AREL1: variants seen among roughly 807,000 people sequenced by gnomAD.
The protein encoded by AREL1 is apoptosis resistant E3 ubiquitin protein ligase 1, also known as apoptosis-resistant E3 ubiquitin protein ligase 1.
AREL1 carries 62 observed loss-of-function variants against 99.0 expected under a neutral mutation model. The observed-to-expected ratio is 0.63, with a 90% CI of 0.51 to 0.77. The LOEUF (loss-of-function observed/expected upper bound fraction) is 0.77. Among genes scored for constraint, AREL1 ranks in the 30% least tolerant of loss-of-function variants. The pLI, the probability that AREL1 is intolerant of heterozygous loss-of-function variation, is 0.00. For missense variants in AREL1, 879 were observed against 1,027.6 expected (o/e 0.86, Z 1.98); for synonymous variants, 380 against 376.5 (o/e 1.01, Z -0.11).
In AREL1 at chr14:74,669,590, G is replaced by C. The variant is rs554123901; in HGVS notation, c.1914+59C>G. On this transcript the variant is annotated intron_variant, in intron 15 of 19. Coordinates refer to ENST00000356357, the MANE Select transcript of AREL1 (RefSeq NM_001039479.2). The stretch of plus-strand genomic sequence containing the variant: ...CCACTGCAGAAAGTTCTCTTAGACA[G>C]TCCTGCTCTACAGGAAACTGGAGAA... 4.2e-4 allele frequency: 665 copies of C among 1,583,220 alleles called. 1 individual carries two copies. Among genetic ancestry groups the C allele is most frequent in the Non-Finnish European group, 5.3e-4 (613 of 1,164,014 alleles).
At chr14:74,680,010 T>C (rs1283570304) in intron 5 of AREL1, among the ~76,000 whole-genome samples, 3 of 151,056 alleles carry the variant, frequency 2.0e-5, no homozygotes, top group Non-Finnish European at 4.4e-5. Context: ...ACTCTGTCTC[T>C]ACAAAATATA....
chr14:74,674,684 T>C (rs1566683866), intron 8 of AREL1, among the ~76,000 whole-genome samples: 1 of 152,242 alleles, frequency 6.6e-6, no homozygotes, highest in Non-Finnish European at 1.5e-5. Flanking sequence ...CTCAAGTCTT[T>C]CTAAATATCT....
intron 2 of AREL1, among the ~76,000 whole-genome samples, chr14:74,691,622 C>T (rs941310464): frequency 1.3e-5 from 2 of 152,106 alleles, no homozygotes; most frequent in African/African-American, 2.4e-5. Flanking sequence ...TTCTCTAGTG[C>T]AGAAATATCA....
chr14:74,689,750 C>A (rs2089833814), intron 2 of AREL1, among the ~76,000 whole-genome samples: 1 of 151,560 alleles, frequency 6.6e-6, no homozygotes, highest in African/African-American at 2.4e-5. Context: ...GCATGCACCA[C>A]CACGCCTGGC....
chr14:74,702,441 GCTC>G (rs1244337670), intron 1 of AREL1, among the ~76,000 whole-genome samples: 1 of 152,144 alleles, frequency 6.6e-6, no homozygotes, highest in African/African-American at 2.4e-5. Flanking sequence ...CTGTACCTTG[GCTC>G]CTTTCAGCCA....
chr14:74,670,993 G>T, intron 12 of AREL1, 122 bp from the exon 13 acceptor site: 1 of 720,126 alleles, frequency 1.4e-6, no homozygotes, highest in Non-Finnish European at 2.3e-6. Context: ...GTGTTTCTCC[G>T]TTGCGACTCA....
chr14:74,690,264 C>CAAA (rs5809676), intron 2 of AREL1, among the ~76,000 whole-genome samples: 17 of 73,084 alleles, frequency 2.3e-4, no homozygotes, highest in African/African-American at 4.2e-4. Context: ...ACCCTGTCTC[C>CAAA]AAAAAAAAAA....
intron 1 of AREL1, among the ~76,000 whole-genome samples, chr14:74,699,169 G>A (rs901624505): frequency 5.9e-5 from 9 of 152,130 alleles, no homozygotes; most frequent in African/African-American, 2.2e-4. Context: ...ATTCAACACT[G>A]TTTTCTTATG....
chr14:74,683,706 T>A (rs999037678), intron 4 of AREL1, among the ~76,000 whole-genome samples, 173 bp from the exon 5 acceptor site: 2 of 152,092 alleles, frequency 1.3e-5, no homozygotes, highest in African/African-American at 2.4e-5. Flanking sequence ...ACAAATCCCC[T>A]CAATACTCTA....
In AREL1 at chr14:74,662,249, G is replaced by A. The variant is rs752196911; in HGVS notation, c.*1471C>T. ...AGGGCTTGTTCCTCATGATCCCTGC[G>A]AACAGGAGGGCTCAGACATGCTTCC... On this transcript the variant is annotated 3_prime_UTR_variant, in exon 20 of 20. Transcript: ENST00000356357. 2.9e-5 allele frequency: 7 copies of A among 238,024 alleles called. No individual in the cohort carries two copies. Among genetic ancestry groups the A allele is most frequent in the South Asian group, 1.8e-4 (1 of 5,540 alleles). The allele number at this position is 238,024 out of a possible 1,614,324, so 14.7% of individuals were successfully genotyped here. A position where few individuals can be genotyped will look rare whatever the true frequency, so the allele number is the denominator to read the frequency against.
At chr14:74,685,855 C>T (rs1052211287) in intron 2 of AREL1, among the ~76,000 whole-genome samples, 195 bp from the exon 3 acceptor site, 2 of 152,214 alleles carry the variant, frequency 1.3e-5, no homozygotes, top group African/African-American at 4.8e-5. Flanking sequence ...CATCATTCCC[C>T]TTAAAGACTT....
intron 1 of AREL1, among the ~76,000 whole-genome samples, chr14:74,696,623 T>C (rs1012675331): frequency 6.6e-6 from 1 of 152,112 alleles, no homozygotes; most frequent in Non-Finnish European, 1.5e-5. Context: ...ACTGGGAAGA[T>C]CACTTGAGCC....
At position 74,713,064 on chromosome 14, in the gene AREL1, A is replaced by G. The variant is rs763481797; in HGVS notation, c.-465T>C. The G allele has an allele frequency of 1.3e-6, 2 of 1,556,158 alleles. No homozygotes were observed. Among genetic ancestry groups the G allele is most frequent in the Non-Finnish European group, 1.8e-6 (2 of 1,127,976 alleles). Reference sequence around the variant, plus strand: ...AGAGTTGGTCTCCACCCGGCCTGGGAACCGGCTCGGGGGATTGCCCTTTCC... The same window carrying G: ...AGAGTTGGTCTCCACCCGGCCTGGGGACCGGCTCGGGGGATTGCCCTTTCC... On this transcript the variant is annotated 5_prime_UTR_variant, in exon 1 of 20. Coordinates refer to ENST00000356357, the MANE Select transcript of AREL1 (RefSeq NM_001039479.2).
intron 13 of AREL1, 44 bp downstream of exon 13, chr14:74,670,718 T>C (rs375490934): frequency 1.9e-6 from 3 of 1,548,186 alleles, no homozygotes; most frequent in Middle Eastern, 1.7e-4. Context: ...AGTCTACCCA[T>C]GATAACATAA....
rs1239105028 is a variant in AREL1, at chr14:74,676,029, C to A, written c.833-83G>T. On this transcript the variant is annotated intron_variant, in intron 7 of 19. Coordinates refer to ENST00000356357, the MANE Select transcript of AREL1 (RefSeq NM_001039479.2). ...TATCACAGGCTTTTAGTCCACAGGA[C>A]AAGCCAAATGTGGCCCAAATATCAA... 5 of 1,549,114 alleles carry A rather than the reference C, an allele frequency of 3.2e-6. No individual in the cohort carries two copies. In the East Asian group the frequency reaches 9.0e-5, roughly 28 times the overall value.
rs986824604 is a variant in AREL1, at chr14:74,678,766, C to T, written c.482-2014G>A. ...AATTAACTAAAAATGGATCATGACC[C>T]TAAATACACATTTTCAAACTGTAAA... is the stretch of plus-strand genomic sequence containing the variant. On this transcript the variant is annotated intron_variant, in intron 5 of 19. Coordinates refer to ENST00000356357, the MANE Select transcript of AREL1 (RefSeq NM_001039479.2). Among the ~76,000 whole-genome samples, 3 of 150,406 alleles carry T rather than the reference C, an allele frequency of 2.0e-5. No individual in the cohort carries two copies. In the South Asian group the frequency reaches 6.3e-4, roughly 31 times the overall value.
intron 1 of AREL1, among the ~76,000 whole-genome samples, chr14:74,706,912 T>C (rs568356845): frequency 6.6e-6 from 1 of 152,292 alleles, no homozygotes; most frequent in South Asian, 2.1e-4. Context: ...TCCATAGAGT[T>C]AACAATGCTT....
At chr14:74,706,987 C>A (rs182990187) in intron 1 of AREL1, among the ~76,000 whole-genome samples, 1 of 152,198 alleles carries the variant, frequency 6.6e-6, no homozygotes, top group Non-Finnish European at 1.5e-5. Context: ...CAATGACTCT[C>A]TTCAACACTC....
At chr14:74,703,497 A>G (rs1334929116) in intron 1 of AREL1, among the ~76,000 whole-genome samples, 1 of 152,236 alleles carries the variant, frequency 6.6e-6, no homozygotes, top group Non-Finnish European at 1.5e-5. Flanking sequence ...TAATGAGTAG[A>G]GAATTAAACA....
Sources: allele counts gnomAD v4.1 joint callset (sites outside exome capture counted in the v4.1 genomes callset), GRCh38; gene constraint gnomAD v4.1.1; transcripts MANE v1.5; gene names NCBI Gene and HGNC (gene_info 2026-07-23, HGNC 2026-07-21).